The following RB1 variants were observed in gnomAD, a reference collection of about 807,000 sequenced individuals.
The protein encoded by RB1 is RB transcriptional corepressor 1.
A neutral mutation model predicts 135.4 loss-of-function variants in RB1; 18 were observed. The observed-to-expected ratio is 0.13, with a 90% confidence interval of 0.09 to 0.20. RB1 has a LOEUF of 0.20. Among genes scored for constraint, RB1 ranks in the 10% least tolerant of loss-of-function variants. The pLI is 1.00. For synonymous variants in RB1, 365 were observed against 373.2 expected, an observed-to-expected ratio of 0.98 and a Z score of 0.25; for missense variants, 868 against 1,110.0, an observed-to-expected ratio of 0.78 and a Z score of 3.10.
chr13:48,313,783 C>G (rs962547139), intron 2 of RB1, among the ~76,000 whole-genome samples: 1 of 135,936 alleles, frequency 7.4e-6, no homozygotes, highest in Non-Finnish European at 1.5e-5. Flanking sequence ...GAGTCTCGCT[C>G]TGTCGCCCAG....
Position 48,327,387 on chromosome 13 carries a change from T to C in RB1, c.265-15212T>C, listed in dbSNP as rs184162140. Reference sequence around the variant, plus strand: ...AGCACATTCAAAATACTGATTTACTTTGGTAGCAAATGGTTTTTCTTTGAA... The same window carrying C: ...AGCACATTCAAAATACTGATTTACTCTGGTAGCAAATGGTTTTTCTTTGAA... On this transcript the variant is annotated intron_variant, in intron 2 of 26. Coordinates refer to ENST00000267163, the MANE Select transcript of RB1 (RefSeq NM_000321.3). Among the ~76,000 whole-genome samples the C allele has an allele frequency of 4.0e-4, 61 of 152,298 alleles. No individual in the cohort carries two copies. The Middle Eastern group carries it at 0.01, about 25-fold the overall frequency.
At chr13:48,371,946 C>T (rs748992182) in intron 11 of RB1, among the ~76,000 whole-genome samples, 3 of 152,116 alleles carry the variant, frequency 2.0e-5, no homozygotes, top group Non-Finnish European at 2.9e-5. Context: ...GGTGCATGAA[C>T]CTTATTGTGA....
intron 2 of RB1, chr13:48,318,869 G>A: frequency 8.9e-7 from 1 of 1,125,466 alleles, no homozygotes; most frequent in South Asian, 1.2e-5. Flanking sequence ...GGGTCAAAAC[G>A]TCTGGATTTC....
chr13:48,376,236 C>T (rs919413718), intron 12 of RB1, among the ~76,000 whole-genome samples: 2 of 152,082 alleles, frequency 1.3e-5, no homozygotes, highest in African/African-American at 4.8e-5. Flanking sequence ...CATGGTGGCT[C>T]ACACCTGTAA....
intron 2 of RB1, chr13:48,318,109 G>A (rs1049680970): frequency 2.9e-5 from 15 of 521,346 alleles, no homozygotes; most frequent in Non-Finnish European, 4.2e-5. Flanking sequence ...CCCCTCACTC[G>A]GAAGGCCGGG....
At chr13:48,384,216 T>G (rs1948556466) in intron 17 of RB1, among the ~76,000 whole-genome samples, 1 of 152,164 alleles carries the variant, frequency 6.6e-6, no homozygotes, top group Non-Finnish European at 1.5e-5. Flanking sequence ...AAATATTAAA[T>G]GTAGTATCTC....
intron 2 of RB1, among the ~76,000 whole-genome samples, chr13:48,340,644 G>C (rs1028278740): frequency 2.6e-5 from 4 of 151,328 alleles, no homozygotes; most frequent in African/African-American, 9.7e-5. Context: ...GTTATTGCCT[G>C]AGTGCAAAGA....
intron 9 of RB1, among the ~76,000 whole-genome samples, chr13:48,367,102 G>A (rs149872028): frequency 0.05 from 5,794 of 116,608 alleles, 320 homozygotes; most frequent in East Asian, 0.16. Flanking sequence ...CTGGGCGAAA[G>A]AGCGAAACTC....
Position 48,464,981 on chromosome 13 carries a change from T to TTTTTTTTTTTTC in RB1, c.2212-16_2212-15insTTTTTTTTTTCT. 1 of 1,462,490 alleles carries TTTTTTTTTTTTC rather than the reference T, an allele frequency of 6.8e-7. No individual in the cohort carries two copies. 90.6% of individuals were successfully genotyped at this position (1,462,490 alleles called of 1,614,324 possible). A position where few individuals can be genotyped will look rare whatever the true frequency, so the allele number is the denominator to read the frequency against. Reference sequence around the variant, plus strand: ...TACTTTTTTTTTTTTTTTTTTTTTTTTACTGTTCTTCCTCAGACATTCAAA... The same window carrying TTTTTTTTTTTTC: ...TACTTTTTTTTTTTTTTTTTTTTTTTTTTTTTTTTTTCTACTGTTCTTCCTCAGACATTCAAA... On this transcript the variant is annotated splice_polypyrimidine_tract_variant and intron_variant, in intron 21 of 26. Coordinates refer to ENST00000267163, the MANE Select transcript of RB1 (RefSeq NM_000321.3).
At chr13:48,384,925 G>A (rs1234072473) in intron 17 of RB1, among the ~76,000 whole-genome samples, 2 of 152,060 alleles carry the variant, frequency 1.3e-5, no homozygotes, top group Admixed American at 6.6e-5. Context: ...AAAAGTTGGG[G>A]GATTACAGGT....
At chr13:48,434,611 A>G (rs1949163805) in intron 17 of RB1, among the ~76,000 whole-genome samples, 1 of 152,122 alleles carries the variant, frequency 6.6e-6, no homozygotes, top group South Asian at 2.1e-4. Flanking sequence ...CCAGGCCTGT[A>G]GAGAGACACT....
chr13:48,395,045 G>T (rs575241342), intron 17 of RB1, among the ~76,000 whole-genome samples: 1 of 151,764 alleles, frequency 6.6e-6, no homozygotes, highest in Non-Finnish European at 1.5e-5. Flanking sequence ...GCTTCCAGAG[G>T]AAGGAACAGG....
chr13:48,427,031 C>T (rs1480917549), intron 17 of RB1: 1 of 153,064 alleles, frequency 6.5e-6, no homozygotes, highest in African/African-American at 2.4e-5. Flanking sequence ...AAGCAGATCT[C>T]TTGTGAACTA....
At chr13:48,368,486 A>G in intron 10 of RB1, 41 bp from the exon 11 acceptor site, 1 of 1,610,846 alleles carries the variant, frequency 6.2e-7, no homozygotes, top group African/African-American at 1.3e-5. Flanking sequence ...CACAAATTGT[A>G]AATTTTCAGT....
chr13:48,381,592 T>A, intron 17 of RB1, 149 bp downstream of exon 17: 1 of 819,244 alleles, frequency 1.2e-6, no homozygotes, highest in Non-Finnish European at 2.0e-6. Context: ...AAGGATCAAG[T>A]GGAATATTAG....
chr13:48,449,791 G>A (rs987817644), intron 17 of RB1, among the ~76,000 whole-genome samples: 1 of 152,174 alleles, frequency 6.6e-6, no homozygotes, highest in Non-Finnish European at 1.5e-5. Context: ...TGCCGTTTTA[G>A]TGGGGTTTTA....
intron 25 of RB1, 147 bp downstream of exon 25, chr13:48,476,990 G>C: frequency 9.6e-7 from 1 of 1,042,874 alleles, no homozygotes; most frequent in Non-Finnish European, 1.5e-6. Flanking sequence ...ATAGATATGA[G>C]TGTAGTGCAA....
chr13:48,308,607 C>T (rs1395531366), intron 2 of RB1, among the ~76,000 whole-genome samples: 2 of 151,522 alleles, frequency 1.3e-5, no homozygotes, highest in African/African-American at 4.9e-5. Context: ...GAGCCGTGAT[C>T]ATGCCACTGC....
intron 17 of RB1, chr13:48,412,479 T>A: frequency 1.7e-6 from 2 of 1,148,220 alleles, no homozygotes; most frequent in Non-Finnish European, 2.7e-6. Flanking sequence ...TGCAGTCTCC[T>A]TTGGGATTCA....
Sources: allele counts gnomAD v4.1 joint callset (sites outside exome capture counted in the v4.1 genomes callset), GRCh38; gene constraint gnomAD v4.1.1; transcripts MANE v1.5; gene names NCBI Gene and HGNC (gene_info 2026-07-23, HGNC 2026-07-21).